The following INTS9 variants were observed in gnomAD, a reference collection of about 807,000 sequenced individuals.
The protein encoded by INTS9 is integrator complex subunit 9.
In INTS9, 55 loss-of-function variants were observed where a neutral mutation model predicts 79.7. The ratio of observed to expected loss-of-function variants is 0.69; its 90% CI spans 0.56 to 0.86. The LOEUF (loss-of-function observed/expected upper bound fraction) is 0.86. Among genes scored for constraint, INTS9 ranks in the 40% least tolerant of loss-of-function variants. INTS9 has a pLI of 0.00. For synonymous variants in INTS9, 319 were observed against 325.2 expected (o/e 0.98, Z 0.20); for missense variants, 721 against 831.5 (o/e 0.87, Z 1.64).
chr8:28,803,781 A>G (rs1291355198), intron 8 of INTS9, among the ~76,000 whole-genome samples: 1 of 152,202 alleles, frequency 6.6e-6, no homozygotes, highest in Non-Finnish European at 1.5e-5. Context: ...ATTTTCCAAA[A>G]TTATTACAAT....
intron 8 of INTS9, among the ~76,000 whole-genome samples, chr8:28,801,339 A>G (rs171312): frequency 0.5 from 76,539 of 151,772 alleles, 21,769 homozygotes; most frequent in Non-Finnish European, 0.65. Flanking sequence ...AATACAAAAA[A>G]ATTAGCCTGG....
intron 1 of INTS9, among the ~76,000 whole-genome samples, chr8:28,881,705 G>A (rs1431156145): frequency 3.5e-5 from 5 of 144,894 alleles, no homozygotes; most frequent in African/African-American, 1.0e-4. Context: ...GAGGGAGGTG[G>A]GGGGGTCAGC....
In INTS9 at chr8:28,778,573, C is replaced by G. The variant is rs1321135668; in HGVS notation, c.1271-620G>C. 2.0e-5 allele frequency among the ~76,000 whole-genome samples: 3 copies of G among 152,174 alleles called. No individual in the cohort carries two copies. The East Asian group carries it at 5.8e-4, about 29-fold the overall frequency. On this transcript the variant is annotated intron_variant, in intron 12 of 16. Transcript: ENST00000521022. ...AGACTGAGACTGGGATGCTCCCCAG[C>G]AGCCCCAGCCCCTCAGACCGGGAAG... is the stretch of plus-strand genomic sequence containing the variant.
chr8:28,802,745 C>A (rs1190356983), intron 8 of INTS9, among the ~76,000 whole-genome samples: 1 of 152,132 alleles, frequency 6.6e-6, no homozygotes, highest in Non-Finnish European at 1.5e-5. Context: ...AAATATTCTA[C>A]CACGCCCTAC....
In INTS9 at chr8:28,770,001, G is replaced by A. The variant is rs762752506; in HGVS notation, c.1688C>T (p.Thr563Met). 3.1e-6 allele frequency: 5 copies of A among 1,614,106 alleles called. No individual in the cohort carries two copies. Among genetic ancestry groups the A allele is most frequent in the African/African-American group, 1.3e-5 (1 of 75,054 alleles). ...CACCCGCTTTCTCTTCTTCCCGCTC[G>A]TGGGCTGGGCGGGCCGAGGAGGGGG... ...LQPPPRPAQP[T>M]SGKKRKRVSD... Residue 563 changes from threonine to methionine, a missense_variant, in exon 16 of 17, where the codon ACG becomes ATG. Transcript: ENST00000521022.
chr8:28,836,752 G>A (rs1326155207), intron 5 of INTS9, among the ~76,000 whole-genome samples: 1 of 152,108 alleles, frequency 6.6e-6, no homozygotes. Context: ...CACTTCGAGT[G>A]TTTTACTTTC....
At chr8:28,814,585 TCTC>T (rs1276490099) in intron 6 of INTS9, among the ~76,000 whole-genome samples, 1 of 152,108 alleles carries the variant, frequency 6.6e-6, no homozygotes, top group African/African-American at 2.4e-5. Context: ...ACCTTCCAGA[TCTC>T]CTCATTCCTT....
At chr8:28,843,147 C>T (rs1807297743) in intron 4 of INTS9, among the ~76,000 whole-genome samples, 1 of 152,212 alleles carries the variant, frequency 6.6e-6, no homozygotes, top group African/African-American at 2.4e-5. Context: ...TTCTCACCGT[C>T]CAGGTCTTTT....
chr8:28,789,576 G>A (rs1404075484), intron 10 of INTS9, among the ~76,000 whole-genome samples: 3 of 152,106 alleles, frequency 2.0e-5, no homozygotes, highest in African/African-American at 2.4e-5. Flanking sequence ...CTCAGGTACC[G>A]CACACTCTTC....
intron 6 of INTS9, among the ~76,000 whole-genome samples, chr8:28,819,439 C>G (rs1273630600): frequency 6.6e-6 from 1 of 152,146 alleles, no homozygotes; most frequent in East Asian, 1.9e-4. Context: ...GCAGGTTGTT[C>G]AGTTTCCATG....
Position 28,771,274 on chromosome 8 carries a change from CCTTTA to C in INTS9, c.1564-199_1564-195del, listed in dbSNP as rs965363140. 102 of 633,086 alleles carry C rather than the reference CCTTTA, an allele frequency of 1.6e-4. No individual in the cohort carries two copies. The Middle Eastern group carries it at 2.5e-3, about 16-fold the overall frequency. The allele number at this position is 633,086 out of a possible 1,614,324, so 39.2% of individuals were successfully genotyped here. A position where few individuals can be genotyped will look rare whatever the true frequency, so the allele number is the denominator to read the frequency against. ...AAGTGCAGCCTTTCATTCATTCTGG[CCTTTA>C]CTTCACCCTCATCCCCTCTCCAGGT... On this transcript the variant is annotated intron_variant, in intron 14 of 16. Coordinates refer to ENST00000521022, the MANE Select transcript of INTS9 (RefSeq NM_018250.4).
chr8:28,811,920 C>A (rs950610107), intron 8 of INTS9, among the ~76,000 whole-genome samples: 6 of 152,226 alleles, frequency 3.9e-5, no homozygotes, highest in Non-Finnish European at 8.8e-5. Flanking sequence ...ATCATCAACT[C>A]CCCTACAACA....
At chr8:28,802,028 A>G (rs1159248929) in intron 8 of INTS9, among the ~76,000 whole-genome samples, 5 of 152,232 alleles carry the variant, frequency 3.3e-5, no homozygotes, top group Non-Finnish European at 5.9e-5. Context: ...TCTAGGAGAC[A>G]TTCTCATAGG....
chr8:28,770,035 G>A lies in INTS9; in HGVS notation c.1663-9C>T, dbSNP rs760049717. 2 of 1,613,046 alleles carry A rather than the reference G, an allele frequency of 1.2e-6. No homozygotes were observed. The highest frequency in any genetic ancestry group is 2.7e-5 in the African/African-American group (2 of 74,936). ...GCGGGCCGAGGAGGGGGCTAGAGCAGAAGGAAAGAGTGGCTTTCATGAGCT... is the reference window on the plus strand; with the variant it reads ...GCGGGCCGAGGAGGGGGCTAGAGCAAAAGGAAAGAGTGGCTTTCATGAGCT... On this transcript the variant is annotated splice_polypyrimidine_tract_variant and intron_variant, in intron 15 of 16. Transcript: ENST00000521022.
intron 2 of INTS9, among the ~76,000 whole-genome samples, chr8:28,858,346 A>G (rs1164322381): frequency 6.6e-6 from 1 of 152,220 alleles, no homozygotes; most frequent in Non-Finnish European, 1.5e-5. Flanking sequence ...CCTCTGGTCC[A>G]GAACAGTGCA....
chr8:28,800,688 A>G (rs1804466756), intron 8 of INTS9, among the ~76,000 whole-genome samples: 1 of 152,176 alleles, frequency 6.6e-6, no homozygotes, highest in Admixed American at 6.5e-5. Context: ...CCCTGGAGAA[A>G]AGTTCTGCAT....
chr8:28,786,050 C>A (rs1463659992), intron 11 of INTS9, among the ~76,000 whole-genome samples: 1 of 152,170 alleles, frequency 6.6e-6, no homozygotes, highest in African/African-American at 2.4e-5. Context: ...CATCTAATAC[C>A]ACAGATCAGT....
At chr8:28,817,103 T>C (rs1473912631) in intron 6 of INTS9, among the ~76,000 whole-genome samples, 2 of 149,948 alleles carry the variant, frequency 1.3e-5, no homozygotes, top group South Asian at 2.1e-4. Context: ...ATTTTGTAGG[T>C]TGCCTGTTCA....
chr8:28,798,907 G>A (rs1340935218), intron 8 of INTS9, among the ~76,000 whole-genome samples: 1 of 152,222 alleles, frequency 6.6e-6, no homozygotes, highest in Non-Finnish European at 1.5e-5. Flanking sequence ...TGAGGCTGCA[G>A]TGAGCTATGT....
Sources: allele counts gnomAD v4.1 joint callset (sites outside exome capture counted in the v4.1 genomes callset), GRCh38; gene constraint gnomAD v4.1.1; transcripts MANE v1.5; gene names NCBI Gene and HGNC (gene_info 2026-07-23, HGNC 2026-07-21).